The following AGRN variants were observed in gnomAD, a reference collection of about 807,000 sequenced individuals.
AGRN encodes the protein agrin proteoglycan.
Under a neutral mutation model 211.0 loss-of-function variants are expected in AGRN, and 106 were observed. The observed-to-expected ratio is 0.50, with a 90% confidence interval of 0.43 to 0.59. The LOEUF is 0.59. Ranked by LOEUF, AGRN falls within the 20% of genes least tolerant of loss-of-function variation. AGRN has a pLI of 0.00. For missense variants in AGRN, 3,040 were observed against 2,982.6 expected (o/e 1.02, Z -0.45); for synonymous variants, 1,525 against 1,332.5 (o/e 1.14, Z -3.15).
At position 1,046,573 on chromosome 1, in the gene AGRN, G is replaced by A. The variant is rs199933532; in HGVS notation, c.3088G>A (p.Val1030Ile). ...PSSRPRTTAS[V>I]PRTTVWPVLT... ...ATCACGACCTCGGACCACTGCCAGCGTCCCCAGGACCACCGTGTGGCCCGT... is the reference window on the plus strand; with the variant it reads ...ATCACGACCTCGGACCACTGCCAGCATCCCCAGGACCACCGTGTGGCCCGT... Residue 1030 changes from valine (V) to isoleucine (I), a missense_variant, in exon 18 of 36, where the codon GTC becomes ATC. This residue lies in a region of AGRN where 1,537 missense variants were observed against 1,505.0 expected (regional missense o/e 1.02). Transcript: ENST00000379370. 30 of 1,608,074 alleles carry A rather than the reference G, an allele frequency of 1.9e-5. No individual in the cohort carries two copies. The highest frequency in any genetic ancestry group is 8.9e-5 in the East Asian group (4 of 44,832).
At chr1:1,027,059 C>T (rs1389862518) in intron 2 of AGRN, among the ~76,000 whole-genome samples, 3 of 152,186 alleles carry the variant, frequency 2.0e-5, no homozygotes, top group African/African-American at 7.2e-5. Flanking sequence ...CTGGGAACTT[C>T]CTCTGAGGAA....
intron 2 of AGRN, among the ~76,000 whole-genome samples, chr1:1,028,434 G>A (rs114899427): frequency 0.035 from 5,348 of 151,898 alleles, 299 homozygotes; most frequent in African/African-American, 0.12. Context: ...TGGGTGGACC[G>A]GAAGTCAGCG....
intron 14 of AGRN, 24 bp from the exon 15 acceptor site, chr1:1,045,709 G>C (rs763329787): frequency 6.2e-7 from 1 of 1,613,074 alleles, no homozygotes; most frequent in South Asian, 1.1e-5. Flanking sequence ...CGGACATCAC[G>C]TTCCTCCCCG....
chr1:1,050,371 C>T lies in AGRN; in HGVS notation c.4976+42C>T, dbSNP rs1183356276. 3.7e-6 allele frequency: 6 copies of T among 1,612,586 alleles called. No homozygotes were observed. The African/African-American group carries it at 8.0e-5, about 22-fold the overall frequency. On this transcript the variant is annotated intron_variant, in intron 28 of 35. Coordinates refer to ENST00000379370, the MANE Select transcript of AGRN (RefSeq NM_198576.4). ...CAGGGGGAAGGGCCGGCCCCCACCTCCGTCTCTCCTGTGGGGAGGGGACAG... is the reference window on the plus strand; with the variant it reads ...CAGGGGGAAGGGCCGGCCCCCACCTTCGTCTCTCCTGTGGGGAGGGGACAG...
chr1:1,021,240 G>C (rs922202475), intron 1 of AGRN, among the ~76,000 whole-genome samples: 5 of 152,246 alleles, frequency 3.3e-5, no homozygotes, highest in African/African-American at 1.2e-4. Context: ...CACTTTGCCA[G>C]GCCCCTGCAG....
At chr1:1,024,076 G>A (rs1002507403) in intron 2 of AGRN, among the ~76,000 whole-genome samples, 1 of 152,126 alleles carries the variant, frequency 6.6e-6, no homozygotes, top group Non-Finnish European at 1.5e-5. Context: ...GGGGCCAAGG[G>A]GAGCCTCAGG....
chr1:1,044,729 G>A (rs1024337773), intron 12 of AGRN, among the ~76,000 whole-genome samples: 2 of 152,294 alleles, frequency 1.3e-5, no homozygotes, highest in African/African-American at 4.8e-5. Flanking sequence ...ACGTCCATCC[G>A]GTCGATGTAT....
chr1:1,054,617 C>T, intron 35 of AGRN, 66 bp downstream of exon 35: 1 of 1,531,068 alleles, frequency 6.5e-7, no homozygotes, highest in Middle Eastern at 2.3e-4. Context: ...GGACAGACTC[C>T]ACCCCCCAGC....
rs1448179707 is a variant in AGRN at position 1,032,940 on chromosome 1, C to T, written c.464-2337C>T. On this transcript the variant is annotated intron_variant, in intron 2 of 35. Coordinates refer to ENST00000379370, the MANE Select transcript of AGRN (RefSeq NM_198576.4). The surrounding 1 kb of genome is among the most constrained non-coding windows in gnomAD (Gnocchi z 4.7). ...CCGGACCGGACGGGCCCCTCCCTTA[C>T]CCCCGGATCCCCCGGCTGGGCAGCG... is the stretch of plus-strand genomic sequence containing the variant. 2.6e-5 allele frequency among the ~76,000 whole-genome samples: 4 copies of T among 152,048 alleles called. No homozygotes were observed. Among genetic ancestry groups the T allele is most frequent in the Non-Finnish European group, 5.9e-5 (4 of 67,970 alleles).
In AGRN at chr1:1,050,041, G is replaced by A. The variant is rs746457706; in HGVS notation, c.4879+4G>A. 46 of 1,563,334 alleles carry A rather than the reference G, an allele frequency of 2.9e-5. No individual in the cohort carries two copies. In the African/African-American group the frequency reaches 4.0e-4, roughly 14 times the overall value. Reference sequence around the variant, plus strand: ...GAGGGCACCTTCTGCCAGACAGGTCGGGGGCGTGGGGCTCTCGGGGCAGGG... The same window carrying A: ...GAGGGCACCTTCTGCCAGACAGGTCAGGGGCGTGGGGCTCTCGGGGCAGGG... On this transcript the variant is annotated splice_donor_region_variant and intron_variant, in intron 27 of 35. Coordinates refer to ENST00000379370, the MANE Select transcript of AGRN (RefSeq NM_198576.4).
In AGRN at chr1:1,041,461, C is replaced by T. The variant is rs1644934776; in HGVS notation, c.953-17C>T. The stretch of plus-strand genomic sequence containing the variant: ...GCGCGCGGCGACAGCGTCCTGACTC[C>T]TGCCCTCGACCCCCAGACCCCTGTC... On this transcript the variant is annotated splice_polypyrimidine_tract_variant and intron_variant, in intron 5 of 35. Coordinates refer to ENST00000379370, the MANE Select transcript of AGRN (RefSeq NM_198576.4). 4 of 1,579,794 alleles carry T rather than the reference C, an allele frequency of 2.5e-6. No individual in the cohort carries two copies. Among genetic ancestry groups the T allele is most frequent in the Non-Finnish European group, 3.4e-6 (4 of 1,170,742 alleles).
chr1:1,022,066 T>C, intron 1 of AGRN, 135 bp from the exon 2 acceptor site: 1 of 1,140,220 alleles, frequency 8.8e-7, no homozygotes, highest in Non-Finnish European at 1.3e-6. Flanking sequence ...CCCAGCGGGC[T>C]GACTCAGAGG....
In AGRN at chr1:1,054,845, T is replaced by C. The variant is rs1292932949; in HGVS notation, c.6002T>C (p.Val2001Ala). Residue 2001 changes from valine to alanine, a missense_variant, in exon 36 of 36, where the codon GTG (valine) becomes GCG (alanine). Transcript: ENST00000379370. Reference sequence around the variant, plus strand: ...GCAGGGGGCCTGCCGGAGCTGCCCGTGGGCCCAGCACTGCCCAAGGCCTAC... The same window carrying C: ...GCAGGGGGCCTGCCGGAGCTGCCCGCGGGCCCAGCACTGCCCAAGGCCTAC... ...LWLGGLPELP[V>A]GPALPKAYGT... 6.4e-7 allele frequency: 1 copy of C among 1,560,322 alleles called. No individual in the cohort carries two copies. The highest frequency in any genetic ancestry group is 8.7e-7 in the Non-Finnish European group (1 of 1,154,028).
rs779846905 is a variant in AGRN, at chr1:1,051,557, C to T, written c.5475C>T (p.Pro1825=). The part of the protein sequence containing the change: ...GHPCTRASGH[P]CLNGASCVPR... ...CCTGCACCCGGGCCTCAGGCCACCCCTGCCTCAATGGGGCCTCCTGCGTCC... is the reference window on the plus strand; with the variant it reads ...CCTGCACCCGGGCCTCAGGCCACCCTTGCCTCAATGGGGCCTCCTGCGTCC... The change falls in exon 32 of 36, where the codon CCC becomes CCT. Residue 1825 remains proline, a synonymous_variant. Coordinates refer to ENST00000379370, the MANE Select transcript of AGRN (RefSeq NM_198576.4). 18 of 1,583,066 alleles carry T rather than the reference C, an allele frequency of 1.1e-5. No homozygotes were observed. The highest frequency in any genetic ancestry group is 1.5e-5 in the Non-Finnish European group (17 of 1,163,752).
In AGRN at chr1:1,030,914, C is replaced by CTG. The variant is rs140692122; in HGVS notation, c.464-4360_464-4359dup. On this transcript the variant is annotated intron_variant, in intron 2 of 35. Transcript: ENST00000379370. ...ATGTGTGTGTGTGCAGTGCATGGTG[C>CTG]TGTGAGATCAGCGTGTGTGTGTGTG... Among the ~76,000 whole-genome samples the CTG allele has an allele frequency of 7.2e-3, 245 of 34,230 alleles. 12 individuals are homozygous for CTG. Among genetic ancestry groups the CTG allele is most frequent in the East Asian group, 0.031 (10 of 320 alleles). 22.5% of individuals were successfully genotyped at this position (34,230 alleles called of 152,430 possible). A position where few individuals can be genotyped will look rare whatever the true frequency, so the allele number is the denominator to read the frequency against.
At chr1:1,035,239 C>T in intron 2 of AGRN, 38 bp from the exon 3 acceptor site, 2 of 1,611,134 alleles carry the variant, frequency 1.2e-6, no homozygotes, top group African/African-American at 1.3e-5. Flanking sequence ...GAGGAGCCTG[C>T]TCAGAGGAGC....
chr1:1,035,157 T>G, intron 2 of AGRN, 120 bp from the exon 3 acceptor site: 3 of 1,025,528 alleles, frequency 2.9e-6, no homozygotes, highest in Non-Finnish European at 4.1e-6. Context: ...CCTGGATCCC[T>G]GGGGCTAGCG....
Position 1,051,789 on chromosome 1 carries a change from C to T in AGRN, c.5625C>T (p.Val1875=), listed in dbSNP as rs780605830. The change falls in exon 33 of 36, where the codon GTC becomes GTT. Residue 1875 remains valine, a synonymous_variant. Transcript: ENST00000379370. The stretch of plus-strand genomic sequence containing the variant: ...TGGCCTTTGACGGGCGGACCTTTGT[C>T]GAGTACCTCAACGCTGTGACCGAGA... The part of the protein sequence containing the change: ...DTLAFDGRTF[V]EYLNAVTESE... The T allele has an allele frequency of 8.7e-6, 14 of 1,613,784 alleles. No individual in the cohort carries two copies. The highest frequency in any genetic ancestry group is 4.5e-5 in the East Asian group (2 of 44,872).
chr1:1,047,614 T>C lies in AGRN; in HGVS notation c.3558T>C (p.Phe1186=), dbSNP rs10267. ...LFRNSDVKKD[F]RSVRLRDLGP... ...GGAATTCAGACGTCAAGAAGGATTT[T>C]CGGAGTGTCCGCTTGCGGGACCTGG... Residue 1186 remains phenylalanine (F), a synonymous_variant, in exon 21 of 36, where the codon TTT becomes TTC. Coordinates refer to ENST00000379370, the MANE Select transcript of AGRN (RefSeq NM_198576.4). 1,462,644 of 1,612,940 alleles carry C rather than the reference T, an allele frequency of 0.91. 669,418 individuals carry two copies. Among genetic ancestry groups the C allele is most frequent in the East Asian group, 1 (44,859 of 44,878 alleles).
Sources: gnomAD v4.1 joint callset for allele counts (sites outside exome capture counted in the v4.1 genomes callset) on GRCh38, gnomAD v4.1.1 for gene constraint, gnomAD v4.1.1 regional missense constraint, Gnocchi (gnomAD v3.1) non-coding constraint, MANE v1.5 for transcripts, NCBI Gene and HGNC (gene_info 2026-07-23, HGNC 2026-07-21) for gene names.